The following MX1 variants were observed in gnomAD, a reference collection of about 807,000 sequenced individuals.
MX1 encodes the protein interferon-induced GTP-binding protein Mx1.
A neutral mutation model predicts 66.4 loss-of-function variants in MX1; 66 were observed. The ratio of observed to expected loss-of-function variants is 0.99; its 90% CI spans 0.82 to 1.22. The LOEUF (loss-of-function observed/expected upper bound fraction) is 1.22. Among genes scored for constraint, MX1 ranks in the 50% most tolerant of loss-of-function variants. MX1 has a pLI of 0.00. For missense variants in MX1, 787 were observed against 834.3 expected (o/e 0.94, Z 0.70); for synonymous variants, 311 against 318.1 (o/e 0.98, Z 0.24).
At chr21:41,442,793 T>C (rs2090556032) in intron 10 of MX1, 1 of 152,222 alleles carries the variant, frequency 6.6e-6, no homozygotes, top group Non-Finnish European at 1.5e-5. Context: ...GGAAAGACAT[T>C]CTGACACATG....
chr21:41,432,415 G>T (rs368899194), intron 5 of MX1, among the ~76,000 whole-genome samples: 2 of 152,334 alleles, frequency 1.3e-5, no homozygotes, highest in East Asian at 3.9e-4. Context: ...CTGTCGATGG[G>T]TTCAGCTCAT....
chr21:41,452,948 T>C, intron 16 of MX1, 79 bp downstream of exon 16: 1 of 1,529,150 alleles, frequency 6.5e-7, no homozygotes, highest in African/African-American at 1.4e-5. Flanking sequence ...AGTCTTGCTC[T>C]CTCTGTAGGT....
intron 6 of MX1, 85 bp from the exon 7 acceptor site, chr21:41,436,930 T>C (rs1401535143): frequency 4.6e-6 from 7 of 1,516,372 alleles, no homozygotes; most frequent in African/African-American, 1.4e-5. Flanking sequence ...TATGATTGTA[T>C]AAAAGTTTGA....
chr21:41,445,820 G>A (rs925408320), intron 12 of MX1, 180 bp from the exon 13 acceptor site: 3 of 847,258 alleles, frequency 3.5e-6, no homozygotes, highest in Admixed American at 2.9e-5. Context: ...AGATCCCTAA[G>A]GCAGTAAGGG....
At chr21:41,442,042 CGTGT>C in intron 10 of MX1, 128 bp downstream of exon 10, 1 of 743,782 alleles carries the variant, frequency 1.3e-6, no homozygotes. Flanking sequence ...TGTGTGTGCG[CGTGT>C]GTGTGTGACT....
At chr21:41,436,959 G>T in intron 6 of MX1, 56 bp from the exon 7 acceptor site, 4 of 1,599,990 alleles carry the variant, frequency 2.5e-6, no homozygotes, top group East Asian at 2.2e-5. Context: ...GGCCTAAGGC[G>T]CTATGTAGGT....
chr21:41,446,023 C>A lies in MX1; in HGVS notation c.1155C>A (p.Asp385Glu), dbSNP rs144664082. 6.2e-7 allele frequency: 1 copy of A among 1,614,022 alleles called. No homozygotes were observed. Among genetic ancestry groups the A allele is most frequent in the Non-Finnish European group, 8.5e-7 (1 of 1,179,896 alleles). Reference protein sequence around the residue: ...LIDKVNAFNQDITALMQGEET... With the variant: ...LIDKVNAFNQEITALMQGEET... ...AGAAAGTTAATGCCTTTAATCAGGA[C>A]ATCACTGCTCTCATGCAAGGAGAGG... The change falls in exon 13 of 17, where the codon GAC becomes GAA. Residue 385 changes from aspartate to glutamate, a missense_variant. Coordinates refer to ENST00000398598, the MANE Select transcript of MX1 (RefSeq NM_002462.5).
At chr21:41,447,016 A>T (rs79002230) in intron 13 of MX1, among the ~76,000 whole-genome samples, 3,257 of 152,226 alleles carry the variant, frequency 0.021, 107 homozygotes, top group African/African-American at 0.073. Context: ...TGATAAACCA[A>T]CTGGCTTGTG....
intron 7 of MX1, 76 bp downstream of exon 7, chr21:41,437,228 C>T (rs2090390394): frequency 1.3e-6 from 2 of 1,542,280 alleles, no homozygotes; most frequent in Middle Eastern, 1.7e-4. Context: ...TTCATACTCC[C>T]ACCTCCCTGG....
chr21:41,431,436 A>G (rs1207750553), intron 4 of MX1, among the ~76,000 whole-genome samples: 4 of 152,218 alleles, frequency 2.6e-5, no homozygotes, highest in Non-Finnish European at 5.9e-5. Flanking sequence ...AAATTATGAC[A>G]GGAGATAGTT....
chr21:41,433,887 C>T (rs2090291193), intron 5 of MX1, among the ~76,000 whole-genome samples: 1 of 152,226 alleles, frequency 6.6e-6, no homozygotes, highest in South Asian at 2.1e-4. Context: ...AAGACCGAGG[C>T]TACCAACTGT....
At position 41,458,806 on chromosome 21, in the gene MX1, C is replaced by T; in HGVS notation, c.*48C>T. 1.9e-6 allele frequency: 3 copies of T among 1,574,784 alleles called. No homozygotes were observed. The highest frequency in any genetic ancestry group is 1.3e-5 in the African/African-American group (1 of 74,608). On this transcript the variant is annotated 3_prime_UTR_variant, in exon 17 of 17. Coordinates refer to ENST00000398598, the MANE Select transcript of MX1 (RefSeq NM_002462.5). ...GACGTGCACGCACACTGTCTGCCCC[C>T]GTTCCCGGGTAGCCACTGGACTGAC...
chr21:41,424,300 G>A (rs1162264055), upstream of MX1, among the ~76,000 whole-genome samples: 1 of 151,954 alleles, frequency 6.6e-6, no homozygotes, highest in Non-Finnish European at 1.5e-5. Context: ...GAGAACTTGT[G>A]TTCCCCTTGG....
chr21:41,451,267 A>T (rs536562274), intron 15 of MX1, 24 bp downstream of exon 15: 22 of 642,298 alleles, frequency 3.4e-5, no homozygotes, highest in South Asian at 6.5e-5. Context: ...TGTGTTGTTT[A>T]AAAAAAAAAA....
intron 12 of MX1, 114 bp from the exon 13 acceptor site, chr21:41,445,886 C>A: frequency 7.5e-7 from 1 of 1,324,604 alleles, no homozygotes; most frequent in Non-Finnish European, 1.0e-6. Context: ...CCACAGTGTC[C>A]CATAAGAAAG....
chr21:41,432,559 C>T (rs376428720), intron 5 of MX1, among the ~76,000 whole-genome samples: 11 of 152,284 alleles, frequency 7.2e-5, no homozygotes, highest in East Asian at 1.9e-4. Flanking sequence ...AGGGAAGCCA[C>T]GTGGTGAATT....
chr21:41,421,538 C>T (rs2089993826), upstream of MX1, among the ~76,000 whole-genome samples: 1 of 152,232 alleles, frequency 6.6e-6, no homozygotes, highest in African/African-American at 2.4e-5. Context: ...TCCCTGCGGC[C>T]TTCCGCAGTG....
At chr21:41,430,991 C>T (rs1395043495) in intron 4 of MX1, among the ~76,000 whole-genome samples, 2 of 152,174 alleles carry the variant, frequency 1.3e-5, no homozygotes, top group Non-Finnish European at 2.9e-5. Flanking sequence ...GGAAACAGTT[C>T]TATAACAATT....
intron 11 of MX1, 122 bp from the exon 12 acceptor site, chr21:41,445,326 T>G: frequency 8.1e-7 from 1 of 1,229,662 alleles, no homozygotes; most frequent in Non-Finnish European, 1.1e-6. Context: ...AAGCTTCCTT[T>G]TAGAGGAAGC....
Sources: gnomAD v4.1 joint callset for allele counts (sites outside exome capture counted in the v4.1 genomes callset) on GRCh38, gnomAD v4.1.1 for gene constraint, MANE v1.5 for transcripts, NCBI Gene and HGNC (gene_info 2026-07-23, HGNC 2026-07-21) for gene names.